The following FGF13 variants were observed in gnomAD, a reference collection of about 807,000 sequenced individuals.
FGF13 encodes the protein fibroblast growth factor 13.
A neutral mutation model predicts 19.5 loss-of-function variants in FGF13; 2 were observed. The observed-to-expected ratio is 0.10, with a 90% CI of 0.04 to 0.32. The LOEUF is 0.32. Among genes scored for constraint, FGF13 ranks in the 10% least tolerant of loss-of-function variants. FGF13 has a pLI of 1.00. For missense variants in FGF13, 113 were observed against 192.7 expected, an observed-to-expected ratio of 0.59 and a Z score of 2.45; for synonymous variants, 72 against 76.9, an observed-to-expected ratio of 0.94 and a Z score of 0.33.
intron 1 of FGF13, among the ~76,000 whole-genome samples, chrX:139,003,485 T>C (rs1189284420): frequency 1.8e-5 from 2 of 111,975 alleles, no homozygotes; most frequent in Non-Finnish European, 3.8e-5. Context: ...CCTGCTTTTA[T>C]TCTCTTATCT....
intron 3 of FGF13, among the ~76,000 whole-genome samples, chrX:138,755,243 A>T (rs1438797048): frequency 2.7e-5 from 3 of 112,368 alleles, no homozygotes; most frequent in Non-Finnish European, 5.6e-5. Context: ...CATGCCTTGC[A>T]CATTGTGGAT....
At chrX:139,098,413 C>T (rs2083485315) in intron 1 of FGF13, among the ~76,000 whole-genome samples, 2 of 111,701 alleles carry the variant, frequency 1.8e-5, no homozygotes, top group African/African-American at 6.5e-5. Flanking sequence ...CAAAAAGACA[C>T]ATGCACTTGT....
intron 1 of FGF13, among the ~76,000 whole-genome samples, chrX:139,046,341 C>T (rs528120891): frequency 7.2e-5 from 8 of 111,501 alleles, no homozygotes; most frequent in African/African-American, 9.8e-5. Context: ...ACACCTTCCA[C>T]GACGCCCCAC....
intron 1 of FGF13, among the ~76,000 whole-genome samples, chrX:138,935,482 G>A (rs1299795344): frequency 1.8e-5 from 2 of 111,340 alleles, no homozygotes; most frequent in African/African-American, 6.5e-5. Context: ...AAAAGAATCA[G>A]GTGCCAAGTT....
At chrX:139,057,445 C>T (rs1005826657) in intron 1 of FGF13, among the ~76,000 whole-genome samples, 4 of 111,517 alleles carry the variant, frequency 3.6e-5, no homozygotes, top group African/African-American at 1.3e-4. Flanking sequence ...AAAATGGTGC[C>T]GTCACTTTGA....
At chrX:139,142,446 T>C (rs1021807289) in intron 1 of FGF13, among the ~76,000 whole-genome samples, 1 of 112,001 alleles carries the variant, frequency 8.9e-6, no homozygotes, top group African/African-American at 3.3e-5. Flanking sequence ...AGGAAAACTT[T>C]AATTAAGTAC....
intron 1 of FGF13, among the ~76,000 whole-genome samples, chrX:139,098,077 A>G (rs1314604171): frequency 9.0e-6 from 1 of 111,312 alleles, no homozygotes; most frequent in Non-Finnish European, 1.9e-5. Context: ...ACACAAACAA[A>G]AAGTTTGGAG....
intron 1 of FGF13, among the ~76,000 whole-genome samples, chrX:139,037,170 T>G (rs2092253344): frequency 9.0e-6 from 1 of 111,222 alleles, no homozygotes; most frequent in Non-Finnish European, 1.9e-5. Context: ...TTTAGTGTAT[T>G]GAGGGAAAAG....
chrX:138,748,806 T>C (rs1412738758), intron 3 of FGF13, among the ~76,000 whole-genome samples: 1 of 111,865 alleles, frequency 8.9e-6, no homozygotes, highest in Non-Finnish European at 1.9e-5. Flanking sequence ...TTGTATTGTA[T>C]ACTTAAAAAT....
At chrX:139,007,074 G>GA (rs1292241141) in intron 1 of FGF13, among the ~76,000 whole-genome samples, 1 of 110,349 alleles carries the variant, frequency 9.1e-6, no homozygotes, top group Non-Finnish European at 1.9e-5. Context: ...TTAAAAAACA[G>GA]AAAAAAAGAT....
chrX:138,824,740 G>T (rs1233332150), intron 3 of FGF13, among the ~76,000 whole-genome samples: 1 of 111,298 alleles, frequency 9.0e-6, no homozygotes, highest in African/African-American at 3.3e-5. Flanking sequence ...TTAACATTTG[G>T]TCTTTGAAGA....
chrX:139,005,410 C>A (rs2092096967), intron 1 of FGF13, among the ~76,000 whole-genome samples: 1 of 111,158 alleles, frequency 9.0e-6, no homozygotes, highest in Non-Finnish European at 1.9e-5. Flanking sequence ...AGGCTTAGAT[C>A]CTAATACTTA....
intron 1 of FGF13, among the ~76,000 whole-genome samples, chrX:139,133,997 G>A (rs1365057732): frequency 1.8e-5 from 2 of 111,245 alleles, no homozygotes; most frequent in East Asian, 5.7e-4. Context: ...CTTCCATCTT[G>A]GATACCATGG....
chrX:138,667,997 C>G (rs1171275201), intron 3 of FGF13, among the ~76,000 whole-genome samples: 1 of 110,713 alleles, frequency 9.0e-6, no homozygotes, highest in Non-Finnish European at 1.9e-5. Flanking sequence ...TTTTCTTAGT[C>G]TTAAAAAAAA....
intron 1 of FGF13, among the ~76,000 whole-genome samples, chrX:139,092,511 C>T (rs1428613646): frequency 1.8e-5 from 2 of 112,185 alleles, no homozygotes; most frequent in Non-Finnish European, 3.8e-5. Context: ...CAACTGCATC[C>T]CATTGTCTGT....
At chrX:138,904,056 T>C (rs925106362) in intron 1 of FGF13, among the ~76,000 whole-genome samples, 1 of 112,022 alleles carries the variant, frequency 8.9e-6, no homozygotes, top group Non-Finnish European at 1.9e-5. Context: ...CTTCTTTCCA[T>C]TTGGCAGATA....
chrX:138,800,862 A>T lies in FGF13; in HGVS notation c.217+56650T>A, dbSNP rs774763044. ...TTCAAACTCTGATATCCTTTCTTCC[A>T]CTTGATCAATTCAGCAACTGATACT... On this transcript the variant is annotated intron_variant, in intron 3 of 6. Transcript: ENST00000436198. Among the ~76,000 whole-genome samples, 96 of 111,592 alleles carry T rather than the reference A, an allele frequency of 8.6e-4. No individual in the cohort carries two copies. In the South Asian group the frequency reaches 0.035, roughly 41 times the overall value.
intron 3 of FGF13, among the ~76,000 whole-genome samples, chrX:138,805,819 T>TG (rs962057892): frequency 2.7e-5 from 3 of 111,685 alleles, no homozygotes; most frequent in African/African-American, 9.7e-5. Flanking sequence ...CTTGCTTAAA[T>TG]GAAACTTTAT....
chrX:138,828,521 G>C (rs1455979647), intron 3 of FGF13, among the ~76,000 whole-genome samples: 3 of 102,776 alleles, frequency 2.9e-5, no homozygotes, highest in Non-Finnish European at 5.9e-5. Flanking sequence ...AGTGAGCCGA[G>C]ATCGCGCCAC....
Sources: allele counts gnomAD v4.1 joint callset (sites outside exome capture counted in the v4.1 genomes callset), GRCh38; gene constraint gnomAD v4.1.1; transcripts MANE v1.5; gene names NCBI Gene and HGNC (gene_info 2026-07-23, HGNC 2026-07-21).